CSMD3: variants seen among roughly 807,000 people sequenced by gnomAD.
The protein encoded by CSMD3 is CUB and sushi domain-containing protein 3.
CSMD3 carries 177 observed loss-of-function variants against 435.2 expected under a neutral mutation model. That is an observed-to-expected ratio of 0.41 (90% CI 0.36 to 0.46). The LOEUF (loss-of-function observed/expected upper bound fraction) is 0.46, where lower values mean the gene tolerates loss of function less well. CSMD3 is among the 20% of genes least tolerant of loss of function. The probability of loss-of-function intolerance (pLI) is 0.34; values close to 1 mark genes in which losing one functional copy is unlikely to be tolerated. For synonymous variants in CSMD3, 1,656 were observed against 1,520.5 expected, an observed-to-expected ratio of 1.09 and a Z score of -2.07; for missense variants, 4,265 against 4,504.6, an observed-to-expected ratio of 0.95 and a Z score of 1.52.
At chr8:112,373,378 G>GGGTCTCCT in intron 38 of CSMD3, among the ~76,000 whole-genome samples, 1 of 152,030 alleles carries the variant, frequency 6.6e-6, no homozygotes, top group East Asian at 1.9e-4. Context: ...AGTGACATAG[G>GGGTCTCCT]TGTCTCCTTG....
chr8:113,093,486 G>C (rs1297593945), intron 5 of CSMD3, among the ~76,000 whole-genome samples: 1 of 152,118 alleles, frequency 6.6e-6, no homozygotes, highest in Non-Finnish European at 1.5e-5. Flanking sequence ...AATCAAGTGA[G>C]ATAAGTATTA....
chr8:112,803,616 T>A (rs1430189943), intron 12 of CSMD3, among the ~76,000 whole-genome samples: 1 of 152,024 alleles, frequency 6.6e-6, no homozygotes, highest in African/African-American at 2.4e-5. Flanking sequence ...GGAAAAAAAA[T>A]AGTCTTAGTC....
At chr8:113,006,614 A>T (rs2086066892) in intron 6 of CSMD3, among the ~76,000 whole-genome samples, 1 of 151,988 alleles carries the variant, frequency 6.6e-6, no homozygotes, top group South Asian at 2.1e-4. Flanking sequence ...AGTGAGAGAA[A>T]AGAGAGCATC....
Position 112,805,626 on chromosome 8 carries a change from A to G in CSMD3, c.1860-5352T>C, listed in dbSNP as rs903380316. Among the ~76,000 whole-genome samples, 5 of 152,154 alleles carry G rather than the reference A, an allele frequency of 3.3e-5. No individual in the cohort carries two copies. In the South Asian group the frequency reaches 8.3e-4, roughly 25 times the overall value. On this transcript the variant is annotated intron_variant, in intron 12 of 70. Coordinates refer to ENST00000297405, the MANE Select transcript of CSMD3 (RefSeq NM_198123.2). ...AGAAAATAAATTTATTGCTCCATTC[A>G]CGCCTTTAGTTTCTAACATCAGAAA...
At chr8:112,333,149 G>A (rs571003069) in intron 45 of CSMD3, among the ~76,000 whole-genome samples, 147 of 152,134 alleles carry the variant, frequency 9.7e-4, no homozygotes, top group Non-Finnish European at 1.6e-3. Context: ...TATCTGATCT[G>A]TTTTATTTTT....
chr8:112,535,047 G>A (rs1454704749), intron 27 of CSMD3, among the ~76,000 whole-genome samples: 2 of 152,018 alleles, frequency 1.3e-5, no homozygotes, highest in African/African-American at 4.8e-5. Flanking sequence ...AATAAGAGCT[G>A]TCTATGACAA....
chr8:112,776,034 TG>T (rs1253576443), intron 13 of CSMD3, among the ~76,000 whole-genome samples: 1 of 151,868 alleles, frequency 6.6e-6, no homozygotes, highest in Non-Finnish European at 1.5e-5. Context: ...TGTTAGGATC[TG>T]TCTCATTCCT....
rs1341765188 is a variant in CSMD3 at position 113,241,201 on chromosome 8, G to A, written c.514+37391C>T. ...TTCTAATCTCAAATAAGAATAACAA[G>A]AAGAAAAATTATGGGGACTATGTTC... is the stretch of plus-strand genomic sequence containing the variant. On this transcript the variant is annotated intron_variant, in intron 3 of 70. Coordinates refer to ENST00000297405, the MANE Select transcript of CSMD3 (RefSeq NM_198123.2). Among the ~76,000 whole-genome samples the A allele has an allele frequency of 3.9e-5, 6 of 151,956 alleles. No individual in the cohort carries two copies. In the East Asian group the frequency reaches 9.6e-4, roughly 24 times the overall value.
chr8:112,508,999 C>T (rs1018898692), intron 28 of CSMD3, among the ~76,000 whole-genome samples: 2 of 151,752 alleles, frequency 1.3e-5, no homozygotes, highest in Non-Finnish European at 2.9e-5. Context: ...CAAAAATTAT[C>T]GTAAGGTTTA....
intron 1 of CSMD3, among the ~76,000 whole-genome samples, chr8:113,317,544 A>AT (rs2093919338): frequency 6.6e-6 from 1 of 152,116 alleles, no homozygotes; most frequent in African/African-American, 2.4e-5. Flanking sequence ...CCTTATCTGT[A>AT]TTCTTCTTTT....
At chr8:112,412,827 G>A (rs1811496866) in intron 32 of CSMD3, among the ~76,000 whole-genome samples, 1 of 152,102 alleles carries the variant, frequency 6.6e-6, no homozygotes, top group African/African-American at 2.4e-5. Context: ...AGTACAGATA[G>A]GGTCCCTGCT....
At chr8:112,822,474 A>AT (rs1261964635) in intron 12 of CSMD3, among the ~76,000 whole-genome samples, 2 of 151,910 alleles carry the variant, frequency 1.3e-5, no homozygotes, top group Admixed American at 6.6e-5. Flanking sequence ...GGCGTATAGG[A>AT]TTTTTTGTGA....
At chr8:113,084,737 C>G (rs974463355) in intron 5 of CSMD3, among the ~76,000 whole-genome samples, 13 of 150,416 alleles carry the variant, frequency 8.6e-5, no homozygotes, top group African/African-American at 3.2e-4. Context: ...AGTAAGTAAA[C>G]CAGCATGGCA....
intron 10 of CSMD3, among the ~76,000 whole-genome samples, chr8:112,898,258 C>T (rs1258921528): frequency 6.6e-6 from 1 of 151,066 alleles, no homozygotes; most frequent in African/African-American, 2.4e-5. Flanking sequence ...AAAGAATGTC[C>T]TTCTTATGCC....
chr8:113,027,019 C>A (rs1387005590), intron 5 of CSMD3, among the ~76,000 whole-genome samples: 1 of 152,140 alleles, frequency 6.6e-6, no homozygotes, highest in African/African-American at 2.4e-5. Flanking sequence ...TAATTAAGTA[C>A]TATCCTATTA....
At chr8:113,065,456 G>A (rs1211264439) in intron 5 of CSMD3, among the ~76,000 whole-genome samples, 1 of 152,000 alleles carries the variant, frequency 6.6e-6, no homozygotes, top group Non-Finnish European at 1.5e-5. Flanking sequence ...GCGCGATCTC[G>A]GTTCACTGCC....
chr8:113,241,595 T>G (rs1318172347), intron 3 of CSMD3, among the ~76,000 whole-genome samples: 1 of 146,690 alleles, frequency 6.8e-6, no homozygotes, highest in Non-Finnish European at 1.5e-5. Context: ...GATGCCTGTA[T>G]TTTTTGCTGA....
At chr8:113,181,105 TA>T (rs1266488235) in intron 3 of CSMD3, among the ~76,000 whole-genome samples, 2 of 151,912 alleles carry the variant, frequency 1.3e-5, no homozygotes, top group African/African-American at 2.4e-5. Flanking sequence ...AGAAAAGAAA[TA>T]AGAGCAAGAC....
At position 112,990,533 on chromosome 8, in the gene CSMD3, T is replaced by C. The variant is rs577076528; in HGVS notation, c.1031-14385A>G. 8.6e-5 allele frequency among the ~76,000 whole-genome samples: 13 copies of C among 152,014 alleles called. No individual in the cohort carries two copies. In the South Asian group the frequency reaches 2.7e-3, roughly 32 times the overall value. ...ATAAACAGAGGCTTTGTGAAAAATG[T>C]TATGTTTAAACTAAAACCAGAACAA... On this transcript the variant is annotated intron_variant, in intron 6 of 70. Coordinates refer to ENST00000297405, the MANE Select transcript of CSMD3 (RefSeq NM_198123.2).
Sources: allele counts gnomAD v4.1 joint callset (sites outside exome capture counted in the v4.1 genomes callset), GRCh38; gene constraint gnomAD v4.1.1; transcripts MANE v1.5; gene names NCBI Gene and HGNC (gene_info 2026-07-23, HGNC 2026-07-21).